TMEM178B: variants seen among roughly 807,000 people sequenced by gnomAD.
TMEM178B encodes the protein transmembrane protein 178B.
TMEM178B carries 5 observed loss-of-function variants against 31.0 expected under a neutral mutation model. The observed-to-expected ratio is 0.16, with a 90% CI of 0.08 to 0.34. The LOEUF (loss-of-function observed/expected upper bound fraction) is 0.34, where lower values mean the gene tolerates loss of function less well. Ranked by LOEUF, TMEM178B falls within the 10% of genes least tolerant of loss-of-function variation. The pLI is 1.00. For missense variants in TMEM178B, 275 were observed against 400.3 expected (o/e 0.69, Z 2.67); for synonymous variants, 164 against 164.0 (o/e 1.00, Z 0.00).
In TMEM178B at chr7:141,205,998, T is replaced by G. The variant is rs182341325; in HGVS notation, c.383-6593T>G. Among the ~76,000 whole-genome samples the G allele has an allele frequency of 2.2e-3, 335 of 152,348 alleles. 1 individual carries two copies. Among genetic ancestry groups the G allele is most frequent in the Non-Finnish European group, 3.9e-3 (264 of 68,030 alleles). On this transcript the variant is annotated intron_variant, in intron 1 of 3. Transcript: ENST00000565468. Reference sequence around the variant, plus strand: ...GGCTACTGTGTGGGAAAATTTATACTTGATAGACATAGATCTGTGTTTATA... The same window carrying G: ...GGCTACTGTGTGGGAAAATTTATACGTGATAGACATAGATCTGTGTTTATA...
intron 1 of TMEM178B, among the ~76,000 whole-genome samples, chr7:141,199,318 G>A (rs1406964802): frequency 1.3e-5 from 2 of 152,196 alleles, no homozygotes; most frequent in Non-Finnish European, 2.9e-5. Context: ...AAGTAATTGC[G>A]GTTTCTGCCA....
At chr7:141,417,374 T>C (rs1801117437) in intron 2 of TMEM178B, among the ~76,000 whole-genome samples, 1 of 152,088 alleles carries the variant, frequency 6.6e-6, no homozygotes, top group Non-Finnish European at 1.5e-5. Context: ...CCCAAGGCTT[T>C]CTGGACCAGC....
At chr7:141,402,924 C>A (rs118147724) in intron 2 of TMEM178B, among the ~76,000 whole-genome samples, 1 of 152,230 alleles carries the variant, frequency 6.6e-6, no homozygotes, top group East Asian at 1.9e-4. Flanking sequence ...TAAAGAGGAA[C>A]CTACTGCCCT....
At chr7:141,455,106 G>C (rs758709792) in intron 3 of TMEM178B, among the ~76,000 whole-genome samples, 1 of 151,984 alleles carries the variant, frequency 6.6e-6, no homozygotes, top group African/African-American at 2.4e-5. Context: ...GAAGCTACAG[G>C]GATTCTCATT....
intron 2 of TMEM178B, among the ~76,000 whole-genome samples, chr7:141,306,275 A>G (rs1586882596): frequency 6.6e-6 from 1 of 152,312 alleles, no homozygotes. Flanking sequence ...ATCAGTATTC[A>G]GTAATTGTCT....
chr7:141,366,713 C>T (rs1369047735), intron 2 of TMEM178B, among the ~76,000 whole-genome samples: 1 of 152,094 alleles, frequency 6.6e-6, no homozygotes, highest in Non-Finnish European at 1.5e-5. Context: ...CATTTTCCTT[C>T]TGCTTTTCTT....
intron 2 of TMEM178B, among the ~76,000 whole-genome samples, chr7:141,264,458 G>A (rs1798062716): frequency 6.6e-6 from 1 of 152,228 alleles, no homozygotes; most frequent in Non-Finnish European, 1.5e-5. Flanking sequence ...GAGGCAGTTG[G>A]CAGTCATGGA....
intron 2 of TMEM178B, among the ~76,000 whole-genome samples, chr7:141,312,609 C>T (rs2116460074): frequency 6.6e-6 from 1 of 152,292 alleles, no homozygotes; most frequent in South Asian, 2.1e-4. Flanking sequence ...AATAGCCTCC[C>T]CAGTATTCAA....
intron 2 of TMEM178B, among the ~76,000 whole-genome samples, chr7:141,284,433 T>A (rs758557059): frequency 9.2e-5 from 14 of 152,368 alleles, no homozygotes; most frequent in South Asian, 6.2e-4. Context: ...GAATATGGTT[T>A]ACAAATCCAT....
At chr7:141,194,397 C>T (rs183603883) in intron 1 of TMEM178B, among the ~76,000 whole-genome samples, 2 of 152,218 alleles carry the variant, frequency 1.3e-5, no homozygotes, top group Admixed American at 1.3e-4. Context: ...AGAAATTGGC[C>T]AAAACAAGGG....
At chr7:141,288,982 G>C (rs1024489168) in intron 2 of TMEM178B, among the ~76,000 whole-genome samples, 2 of 152,082 alleles carry the variant, frequency 1.3e-5, no homozygotes, top group African/African-American at 4.8e-5. Flanking sequence ...TCCCAATTAG[G>C]CTCAATGCAT....
At chr7:141,191,989 A>T (rs897731241) in intron 1 of TMEM178B, among the ~76,000 whole-genome samples, 2 of 152,280 alleles carry the variant, frequency 1.3e-5, no homozygotes, top group Admixed American at 1.3e-4. Flanking sequence ...TCCATTGGGA[A>T]TTTACCCTGG....
the TMEM178B span, among the ~76,000 whole-genome samples, chr7:141,485,483 A>C: frequency 1.3e-5 from 2 of 152,216 alleles, no homozygotes; most frequent in Non-Finnish European, 2.9e-5. Context: ...GGATACAGTG[A>C]GTTAATCTCA....
intron 2 of TMEM178B, among the ~76,000 whole-genome samples, chr7:141,397,505 C>G (rs1272908705): frequency 1.3e-5 from 2 of 152,130 alleles, no homozygotes; most frequent in Admixed American, 1.3e-4. Flanking sequence ...TAGTAGGTGA[C>G]TTGGAACTTG....
intron 3 of TMEM178B, among the ~76,000 whole-genome samples, chr7:141,456,523 T>C (rs575434858): frequency 6.6e-6 from 1 of 152,318 alleles, no homozygotes; most frequent in South Asian, 2.1e-4. Flanking sequence ...TAGATCTGTG[T>C]GTCCTGGGCC....
chr7:141,329,679 G>A (rs1038538471), intron 2 of TMEM178B, among the ~76,000 whole-genome samples: 1 of 152,192 alleles, frequency 6.6e-6, no homozygotes, highest in African/African-American at 2.4e-5. Context: ...TGTGTTGGGG[G>A]AAGAAAATCA....
intron 2 of TMEM178B, among the ~76,000 whole-genome samples, chr7:141,337,812 G>A (rs755279793): frequency 2.0e-5 from 3 of 152,086 alleles, no homozygotes; most frequent in Non-Finnish European, 2.9e-5. Context: ...ATATTCAAAA[G>A]AGATCCAGCA....
intron 2 of TMEM178B, among the ~76,000 whole-genome samples, chr7:141,353,073 C>A (rs1366207882): frequency 1.3e-5 from 2 of 152,054 alleles, no homozygotes; most frequent in East Asian, 1.9e-4. Context: ...CTTTTAAATG[C>A]CTCCTTGGAT....
intron 2 of TMEM178B, among the ~76,000 whole-genome samples, chr7:141,429,366 A>G (rs1317373090): frequency 6.6e-6 from 1 of 151,996 alleles, no homozygotes; most frequent in Non-Finnish European, 1.5e-5. Context: ...TTATTCAGCC[A>G]TAAAAAAGAA....
Sources: allele counts gnomAD v4.1 joint callset (sites outside exome capture counted in the v4.1 genomes callset), GRCh38; gene constraint gnomAD v4.1.1; transcripts MANE v1.5; gene names NCBI Gene and HGNC (gene_info 2026-07-23, HGNC 2026-07-21).